Variants in INPP4B observed in about 807,000 individuals in gnomAD.
INPP4B encodes the protein inositol polyphosphate 4-phosphatase type II.
Under a neutral mutation model 122.5 loss-of-function variants are expected in INPP4B, and 55 were observed. The observed-to-expected ratio is 0.45, with a 90% CI of 0.36 to 0.56. INPP4B has a LOEUF of 0.56. Ranked by LOEUF, INPP4B falls within the 20% of genes least tolerant of loss-of-function variation. The pLI is 0.00. For missense variants in INPP4B, 1,000 were observed against 1,097.7 expected (o/e 0.91, Z 1.26); for synonymous variants, 403 against 388.7 (o/e 1.04, Z -0.43).
intron 2 of INPP4B, among the ~76,000 whole-genome samples, chr4:142,500,633 A>C (rs557113887): frequency 6.6e-6 from 1 of 152,320 alleles, no homozygotes; most frequent in East Asian, 1.9e-4. Context: ...GGTTGTTTCC[A>C]CACCTTGGCT....
chr4:142,352,983 T>C (rs1782390912), intron 7 of INPP4B, among the ~76,000 whole-genome samples: 3 of 151,898 alleles, frequency 2.0e-5, no homozygotes, highest in Admixed American at 2.0e-4. Flanking sequence ...ATAACTAAAC[T>C]CCTGTCACTT....
chr4:142,782,498 A>G (rs1775021085), intron 1 of INPP4B, among the ~76,000 whole-genome samples: 1 of 151,926 alleles, frequency 6.6e-6, no homozygotes. Flanking sequence ...GTATATACCC[A>G]GTAATGGGAT....
At chr4:142,242,053 A>G (rs886091157) in intron 11 of INPP4B, among the ~76,000 whole-genome samples, 2 of 152,200 alleles carry the variant, frequency 1.3e-5, no homozygotes, top group African/African-American at 4.8e-5. Flanking sequence ...TGTTTAATTA[A>G]TTATTCAGCT....
At chr4:142,307,056 T>G (rs1763655506) in intron 8 of INPP4B, among the ~76,000 whole-genome samples, 1 of 152,118 alleles carries the variant, frequency 6.6e-6, no homozygotes, top group South Asian at 2.1e-4. Flanking sequence ...TGAGGAACAT[T>G]AGGCAAAAAA....
chr4:142,368,772 T>C (rs1373146043), intron 7 of INPP4B, among the ~76,000 whole-genome samples: 2 of 150,926 alleles, frequency 1.3e-5, no homozygotes, highest in Non-Finnish European at 2.9e-5. Flanking sequence ...CAGGTGAGTG[T>C]AAGAAGACAA....
intron 5 of INPP4B, among the ~76,000 whole-genome samples, chr4:142,420,191 G>C (rs1806573715): frequency 1.3e-5 from 2 of 152,044 alleles, no homozygotes; most frequent in African/African-American, 4.8e-5. Context: ...TTAAGCCTGT[G>C]AAGTTAAACC....
At chr4:142,231,680 T>C (rs936960725) in intron 12 of INPP4B, among the ~76,000 whole-genome samples, 4 of 152,182 alleles carry the variant, frequency 2.6e-5, no homozygotes, top group Non-Finnish European at 4.4e-5. Flanking sequence ...AGCAGCCTTT[T>C]AAATTCTCCC....
Position 142,758,591 on chromosome 4 carries a change from C to T in INPP4B, c.-253-32690G>A, listed in dbSNP as rs1292706109. ...TAAGGTTCCCTTGGACTCTGCAATT[C>T]TATGATATTCTGAGCAAATATATCA... On this transcript the variant is annotated intron_variant, in intron 1 of 25. Coordinates refer to ENST00000262992, the MANE Select transcript of INPP4B (RefSeq NM_001101669.3). Among the ~76,000 whole-genome samples, 3 of 152,086 alleles carry T rather than the reference C, an allele frequency of 2.0e-5. No individual in the cohort carries two copies. The East Asian group carries it at 5.8e-4, about 29-fold the overall frequency.
At chr4:142,159,319 C>T (rs1818853617) in intron 17 of INPP4B, among the ~76,000 whole-genome samples, 1 of 151,512 alleles carries the variant, frequency 6.6e-6, no homozygotes, top group Non-Finnish European at 1.5e-5. Flanking sequence ...TAGATTTGCT[C>T]TTTGAAAATG....
At chr4:142,104,401 C>T (rs1785972522) in intron 23 of INPP4B, among the ~76,000 whole-genome samples, 1 of 152,128 alleles carries the variant, frequency 6.6e-6, no homozygotes, top group African/African-American at 2.4e-5. Context: ...TGTCTGAGAT[C>T]ATCAAGCCCA....
chr4:142,733,942 A>T (rs1179010555), intron 1 of INPP4B, among the ~76,000 whole-genome samples: 1 of 152,232 alleles, frequency 6.6e-6, no homozygotes, highest in Non-Finnish European at 1.5e-5. Flanking sequence ...TTACATGAAC[A>T]ATATGAATAT....
chr4:142,233,110 G>A (rs1417390832), intron 12 of INPP4B, among the ~76,000 whole-genome samples: 1 of 152,188 alleles, frequency 6.6e-6, no homozygotes, highest in Non-Finnish European at 1.5e-5. Flanking sequence ...ATCTAGCTGA[G>A]ATCATTGATG....
chr4:142,403,050 G>C lies in INPP4B; in HGVS notation c.260C>G (p.Thr87Arg). Residue 87 changes from threonine (T) to arginine (R), a missense_variant, in exon 7 of 26, where the codon ACA (threonine) becomes AGA (arginine). Thr to Arg is a moderately conservative substitution (Grantham distance 71, BLOSUM62 -1). Coordinates refer to ENST00000262992, the MANE Select transcript of INPP4B (RefSeq NM_001101669.3). ...ACCAGTCAAAAACAGTGGGTCCCTT[G>C]TTCCCTGTAACAGCACAAGCAGACA... ...RYSSTEIVEG[T>R]RDPLFLTGVT... 6.3e-7 allele frequency: 1 copy of C among 1,585,624 alleles called. No homozygotes were observed. Among genetic ancestry groups the C allele is most frequent in the Non-Finnish European group, 8.7e-7 (1 of 1,154,098 alleles).
chr4:142,647,790 C>T (rs1032799856), intron 2 of INPP4B, among the ~76,000 whole-genome samples: 1 of 152,242 alleles, frequency 6.6e-6, no homozygotes, highest in Non-Finnish European at 1.5e-5. Flanking sequence ...ATCTCCCATG[C>T]TGATTAATGT....
chr4:142,818,492 A>T (rs1346270934), intron 1 of INPP4B, among the ~76,000 whole-genome samples: 1 of 152,086 alleles, frequency 6.6e-6, no homozygotes. Flanking sequence ...CTATATTTCA[A>T]CAGAATTACA....
At chr4:142,336,827 G>C (rs761477039) in intron 7 of INPP4B, among the ~76,000 whole-genome samples, 1 of 152,218 alleles carries the variant, frequency 6.6e-6, no homozygotes, top group Non-Finnish European at 1.5e-5. Context: ...TGGCCAAGTG[G>C]CACTGAAAGG....
intron 21 of INPP4B, among the ~76,000 whole-genome samples, chr4:142,119,446 C>A (rs764026382): frequency 3.9e-5 from 6 of 152,012 alleles, no homozygotes; most frequent in Non-Finnish European, 5.9e-5. Flanking sequence ...CACATATACA[C>A]CATGGAATAC....
chr4:142,372,978 T>TACAC, intron 7 of INPP4B, among the ~76,000 whole-genome samples: 1 of 152,132 alleles, frequency 6.6e-6, no homozygotes, highest in Non-Finnish European at 1.5e-5. Context: ...CATACATACA[T>TACAC]ACACACACAG....
intron 2 of INPP4B, among the ~76,000 whole-genome samples, chr4:142,477,977 A>G (rs28861843): frequency 0.15 from 22,776 of 152,062 alleles, 1,967 homozygotes; most frequent in East Asian, 0.36. Context: ...TAATATTTGT[A>G]TTTTCAGTAG....
Sources: allele counts gnomAD v4.1 joint callset (sites outside exome capture counted in the v4.1 genomes callset), GRCh38; gene constraint gnomAD v4.1.1; transcripts MANE v1.5; gene names NCBI Gene and HGNC (gene_info 2026-07-23, HGNC 2026-07-21).